TRPM7: variants seen among roughly 807,000 people sequenced by gnomAD.
TRPM7 encodes transient receptor potential cation channel subfamily M member 7.
TRPM7 carries 134 observed loss-of-function variants against 229.7 expected under a neutral mutation model. That is an observed-to-expected ratio of 0.58 (90% CI 0.51 to 0.67). The LOEUF is 0.67. Ranked by LOEUF, TRPM7 falls within the 30% of genes least tolerant of loss-of-function variation. The probability of loss-of-function intolerance (pLI) is 0.00; values close to 1 mark genes in which losing one functional copy is unlikely to be tolerated. For missense variants in TRPM7, 1,901 were observed against 2,210.0 expected, an observed-to-expected ratio of 0.86 and a Z score of 2.80; for synonymous variants, 699 against 715.2, an observed-to-expected ratio of 0.98 and a Z score of 0.36.
At chr15:50,676,154 T>C (rs537902212) in intron 1 of TRPM7, among the ~76,000 whole-genome samples, 1 of 152,308 alleles carries the variant, frequency 6.6e-6, no homozygotes, top group East Asian at 1.9e-4. Flanking sequence ...ATAAGGGACA[T>C]GTATTACAAA....
chr15:50,589,540 C>T, intron 27 of TRPM7, 52 bp downstream of exon 27: 3 of 1,270,534 alleles, frequency 2.4e-6, no homozygotes, highest in South Asian at 2.6e-5. Context: ...AACTAAACAT[C>T]AAGACAGTAA....
chr15:50,654,269 A>T (rs2061497922), intron 3 of TRPM7, among the ~76,000 whole-genome samples: 2 of 151,322 alleles, frequency 1.3e-5, no homozygotes, highest in African/African-American at 2.4e-5. Context: ...AACATAGTGA[A>T]ACCCCATCTC....
rs145148816 is a variant in TRPM7 at position 50,567,220 on chromosome 15, A to G, written c.5467+2667T>C. 7.1e-3 allele frequency among the ~76,000 whole-genome samples: 1,075 copies of G among 152,156 alleles called. 16 individuals carry two copies. Among genetic ancestry groups the G allele is most frequent in the Non-Finnish European group, 9.6e-3 (650 of 67,994 alleles). ...ACTTTAAGTTTTAGGGTACATGTGC[A>G]CAATGTGCAGGTTTGTTACACATGT... On this transcript the variant is annotated intron_variant, in intron 38 of 38. Transcript: ENST00000646667.
At chr15:50,666,629 C>A (rs2061889025) in intron 1 of TRPM7, among the ~76,000 whole-genome samples, 2 of 152,118 alleles carry the variant, frequency 1.3e-5, no homozygotes, top group South Asian at 2.1e-4. Flanking sequence ...CATGGAGAAA[C>A]CTGTCTCTAC....
chr15:50,564,256 A>ATAACATAACATAACATAACATAAC (rs1566928054), intron 38 of TRPM7, among the ~76,000 whole-genome samples: 1 of 43,544 alleles, frequency 2.3e-5, no homozygotes, highest in African/African-American at 7.8e-5. Flanking sequence ...CAAAAAATAA[A>ATAACATAACATAACATAACATAAC]ATAAAATAAA....
chr15:50,628,225 T>TG lies in TRPM7; in HGVS notation c.1228dup (p.Gln410ProfsTer10). On this transcript the variant is annotated frameshift_variant, in exon 11 of 39. Coordinates refer to ENST00000646667, the MANE Select transcript of TRPM7 (RefSeq NM_017672.6). LOFTEE classifies it high-confidence loss of function. Reference sequence around the variant, plus strand: ...ATCCCATGCCAATGTAAGGATAAGCTGGTCAAATGCAGATGCATTAGTACC... The same window carrying TG: ...ATCCCATGCCAATGTAAGGATAAGCTGGGTCAAATGCAGATGCATTAGTACC... The TG allele has an allele frequency of 6.2e-7, 1 of 1,613,360 alleles. No homozygotes were observed. Among genetic ancestry groups the TG allele is most frequent in the Non-Finnish European group, 8.5e-7 (1 of 1,179,774 alleles).
intron 1 of TRPM7, among the ~76,000 whole-genome samples, chr15:50,678,247 A>AC (rs2062143468): frequency 7.9e-6 from 1 of 126,418 alleles, no homozygotes; most frequent in African/African-American, 2.9e-5. Flanking sequence ...CTCAAAAAAA[A>AC]AAAACAAAAA....
At chr15:50,566,952 G>A (rs948784613) in intron 38 of TRPM7, among the ~76,000 whole-genome samples, 1 of 151,532 alleles carries the variant, frequency 6.6e-6, no homozygotes, top group South Asian at 2.1e-4. Context: ...CTGCCATAAG[G>A]AAAAAGGGGA....
chr15:50,565,828 GTT>G (rs59711223), intron 38 of TRPM7, among the ~76,000 whole-genome samples: 4 of 145,830 alleles, frequency 2.7e-5, no homozygotes, highest in Non-Finnish European at 1.5e-5. Context: ...AACTCTTTTT[GTT>G]TTTTTTTTTT....
At position 50,592,633 on chromosome 15, in the gene TRPM7, GA is replaced by G. The variant is rs772497250; in HGVS notation, c.3609-8del. The stretch of plus-strand genomic sequence containing the variant: ...AATGCACATCTGTTCCACTCTGTAG[GA>G]GAGAAATAAGCTTTTTTTACAAATG... On this transcript the variant is annotated splice_polypyrimidine_tract_variant and splice_region_variant and intron_variant, in intron 25 of 38. Coordinates refer to ENST00000646667, the MANE Select transcript of TRPM7 (RefSeq NM_017672.6). 10 of 1,505,546 alleles carry G rather than the reference GA, an allele frequency of 6.6e-6. No homozygotes were observed. Among genetic ancestry groups the G allele is most frequent in the Non-Finnish European group, 8.9e-6 (10 of 1,125,218 alleles). The allele number at this position is 1,505,546 out of a possible 1,614,324, so 93.3% of individuals were successfully genotyped here.
At chr15:50,639,327 A>G (rs937570400) in intron 6 of TRPM7, 97 bp downstream of exon 6, 4 of 1,094,176 alleles carry the variant, frequency 3.7e-6, no homozygotes, top group Admixed American at 3.3e-5. Flanking sequence ...TTTGAAAAGT[A>G]TAATATAATC....
chr15:50,643,175 G>A (rs1042617776), intron 5 of TRPM7, among the ~76,000 whole-genome samples, 165 bp downstream of exon 5: 1 of 152,152 alleles, frequency 6.6e-6, no homozygotes, highest in South Asian at 2.1e-4. Context: ...TGTAATCCCA[G>A]CTACTCTGGA....
chr15:50,668,136 T>A (rs2061922393), intron 1 of TRPM7, among the ~76,000 whole-genome samples: 1 of 152,232 alleles, frequency 6.6e-6, no homozygotes, highest in African/African-American at 2.4e-5. Flanking sequence ...AGGTGGTTTA[T>A]AATCAGCTAT....
At chr15:50,665,874 T>A (rs2061865066) in intron 1 of TRPM7, among the ~76,000 whole-genome samples, 1 of 152,008 alleles carries the variant, frequency 6.6e-6, no homozygotes, top group African/African-American at 2.4e-5. Context: ...GCACCTGTAA[T>A]CCCAGCTACT....
chr15:50,567,859 C>T (rs916355900), intron 38 of TRPM7, among the ~76,000 whole-genome samples: 1 of 151,926 alleles, frequency 6.6e-6, no homozygotes, highest in African/African-American at 2.4e-5. Context: ...GAGGCCGAGG[C>T]AGGCGGATCA....
intron 21 of TRPM7, among the ~76,000 whole-genome samples, chr15:50,601,860 TTTC>T (rs1287347066): frequency 8.6e-5 from 13 of 151,306 alleles, no homozygotes; most frequent in Admixed American, 6.6e-4. Context: ...GTGAGGGAGG[TTTC>T]TTCTTTTTAA....
At chr15:50,636,867 C>T (rs1013510815) in intron 7 of TRPM7, among the ~76,000 whole-genome samples, 2 of 152,120 alleles carry the variant, frequency 1.3e-5, no homozygotes, top group South Asian at 2.1e-4. Context: ...CAGTGGCTCA[C>T]GCCTGTAATC....
chr15:50,637,635 T>C (rs1053781698), intron 6 of TRPM7, 42 bp from the exon 7 acceptor site: 12 of 1,523,618 alleles, frequency 7.9e-6, no homozygotes, highest in African/African-American at 2.8e-5. Context: ...CAGGATTAAA[T>C]ACAGTATGAT....
At chr15:50,669,240 G>A (rs569030323) in intron 1 of TRPM7, among the ~76,000 whole-genome samples, 37 of 151,436 alleles carry the variant, frequency 2.4e-4, no homozygotes, top group African/African-American at 8.3e-4. Context: ...TCTGGAGTTC[G>A]AGACCAGCCT....
Sources: gnomAD v4.1 joint callset for allele counts (sites outside exome capture counted in the v4.1 genomes callset) on GRCh38, gnomAD v4.1.1 for gene constraint, MANE v1.5 for transcripts, NCBI Gene and HGNC (gene_info 2026-07-23, HGNC 2026-07-21) for gene names.